The following GRIN2A variants were observed in gnomAD, a reference collection of about 807,000 sequenced individuals.
GRIN2A encodes the protein glutamate ionotropic receptor NMDA type subunit 2A.
A neutral mutation model predicts 113.4 loss-of-function variants in GRIN2A; 22 were observed. The observed-to-expected ratio is 0.19, with a 90% CI of 0.14 to 0.28. The LOEUF (loss-of-function observed/expected upper bound fraction) is 0.28. GRIN2A is among the 10% of genes least tolerant of loss of function. The pLI, the probability that GRIN2A is intolerant of heterozygous loss-of-function variation, is 1.00. For missense variants in GRIN2A, 1,502 were observed against 1,887.0 expected (o/e 0.80, Z 3.78); for synonymous variants, 827 against 738.4 (o/e 1.12, Z -1.94).
chr16:9,788,821 C>T (rs1341230333), intron 11 of GRIN2A, among the ~76,000 whole-genome samples: 3 of 150,364 alleles, frequency 2.0e-5, no homozygotes, highest in Non-Finnish European at 4.4e-5. Flanking sequence ...CGACTCACTG[C>T]AAACTCCGCC....
At chr16:9,773,277 A>G (rs940348444) in intron 11 of GRIN2A, among the ~76,000 whole-genome samples, 28 of 152,230 alleles carry the variant, frequency 1.8e-4, no homozygotes, top group Admixed American at 1.4e-3. Context: ...CTGCCATATA[A>G]ATAGAAGGAA....
chr16:10,086,116 A>T (rs564083558), intron 2 of GRIN2A, among the ~76,000 whole-genome samples: 1 of 152,260 alleles, frequency 6.6e-6, no homozygotes, highest in South Asian at 2.1e-4. Flanking sequence ...GTTGAATTGG[A>T]TGACACCTGA....
chr16:9,914,904 GCTT>G, intron 3 of GRIN2A, among the ~76,000 whole-genome samples: 1 of 48,716 alleles, frequency 2.1e-5, no homozygotes, highest in African/African-American at 7.1e-5. Context: ...TGATTATGCA[GCTT>G]TTTTTTTTTT....
chr16:9,791,903 A>T (rs1902628215), intron 11 of GRIN2A, among the ~76,000 whole-genome samples: 1 of 152,132 alleles, frequency 6.6e-6, no homozygotes, highest in African/African-American at 2.4e-5. Flanking sequence ...TGTGAGCATC[A>T]TTATGCTGAA....
intron 2 of GRIN2A, among the ~76,000 whole-genome samples, chr16:10,016,410 A>T (rs956605001): frequency 1.3e-5 from 2 of 152,098 alleles, no homozygotes; most frequent in African/African-American, 4.8e-5. Context: ...CCACACATGC[A>T]TGGGAAAGAA....
Position 9,938,246 on chromosome 16 carries a change from C to G in GRIN2A, c.720G>C (p.Leu240=). The part of the protein sequence containing the change: ...YCSKDEAVLI[L]SEARSLGLTG... ...TGAGGCCAAGGGAGCGGGCCTCACT[C>G]AGAATGAGAACAGCCTCGTCTTTGG... is the stretch of plus-strand genomic sequence containing the variant. The change falls in exon 3 of 13, where the codon CTG becomes CTC. Residue 240 remains leucine, a synonymous_variant. Coordinates refer to ENST00000330684, the MANE Select transcript of GRIN2A (RefSeq NM_001134407.3). 6.2e-7 allele frequency: 1 copy of G among 1,614,056 alleles called. No homozygotes were observed. Among genetic ancestry groups the G allele is most frequent in the Non-Finnish European group, 8.5e-7 (1 of 1,179,950 alleles).
At chr16:10,098,940 C>A (rs562634004) in intron 2 of GRIN2A, among the ~76,000 whole-genome samples, 13 of 128,394 alleles carry the variant, frequency 1.0e-4, no homozygotes, top group Non-Finnish European at 2.3e-4. Flanking sequence ...CCCTCCCCCC[C>A]CCAAAAAAAA....
intron 2 of GRIN2A, among the ~76,000 whole-genome samples, chr16:9,969,431 A>C (rs1031169493): frequency 6.6e-6 from 1 of 152,206 alleles, no homozygotes; most frequent in Non-Finnish European, 1.5e-5. Context: ...CACTGGGTAC[A>C]TCATTTACTT....
chr16:9,839,141 C>T (rs962532752), intron 7 of GRIN2A, among the ~76,000 whole-genome samples: 38 of 152,066 alleles, frequency 2.5e-4, no homozygotes, highest in Admixed American at 2.5e-3. Context: ...TGGGACAAAC[C>T]CACTTATATG....
chr16:10,123,340 T>C (rs1567315170), intron 2 of GRIN2A, among the ~76,000 whole-genome samples: 1 of 152,186 alleles, frequency 6.6e-6, no homozygotes, highest in Non-Finnish European at 1.5e-5. Flanking sequence ...CAGCCTCTTT[T>C]TTTTAAAGCC....
intron 1 of GRIN2A, 36 bp downstream of exon 1, chr16:10,181,834 TCCTCCCC>T: frequency 6.5e-6 from 1 of 153,248 alleles, no homozygotes; most frequent in Non-Finnish European, 1.5e-5. Flanking sequence ...CGAGTCTCCC[TCCTCCCC>T]GGCCCAAGGA....
At chr16:9,769,452 T>TTTTTTTTTTTTTTTTTTTTTTTC (rs1901127253) in intron 11 of GRIN2A, among the ~76,000 whole-genome samples, 1 of 9,928 alleles carries the variant, frequency 1.0e-4, no homozygotes, top group East Asian at 1.9e-3. Flanking sequence ...GAGTTTTGTC[T>TTTTTTTTTTTTTTTTTTTTTTTC]TTTTTTTTTT....
At chr16:10,074,540 T>C (rs1350992115) in intron 2 of GRIN2A, among the ~76,000 whole-genome samples, 1 of 152,234 alleles carries the variant, frequency 6.6e-6, no homozygotes, top group African/African-American at 2.4e-5. Flanking sequence ...AATGGAATGT[T>C]ATACACCCAT....
chr16:10,081,799 T>C (rs184583243), intron 2 of GRIN2A, among the ~76,000 whole-genome samples: 1 of 152,158 alleles, frequency 6.6e-6, no homozygotes, highest in Non-Finnish European at 1.5e-5. Context: ...TGGACCAGGG[T>C]CAGGCTATGG....
At chr16:9,963,775 G>T (rs1483569682) in intron 2 of GRIN2A, among the ~76,000 whole-genome samples, 1 of 152,160 alleles carries the variant, frequency 6.6e-6, no homozygotes, top group Non-Finnish European at 1.5e-5. Context: ...CCATTCAACA[G>T]ATATTTACTA....
At chr16:9,789,808 A>G (rs1902491653) in intron 11 of GRIN2A, among the ~76,000 whole-genome samples, 1 of 152,218 alleles carries the variant, frequency 6.6e-6, no homozygotes, top group African/African-American at 2.4e-5. Context: ...AGTGAAGAAC[A>G]GCAAAAGTCA....
chr16:9,811,340 C>T (rs562491815), intron 10 of GRIN2A, among the ~76,000 whole-genome samples: 1 of 152,334 alleles, frequency 6.6e-6, no homozygotes, highest in South Asian at 2.1e-4. Flanking sequence ...TTCAGACGAA[C>T]TGTGGCTTCT....
intron 2 of GRIN2A, among the ~76,000 whole-genome samples, chr16:10,117,004 G>A (rs2048740271): frequency 6.6e-6 from 1 of 151,534 alleles, no homozygotes. Context: ...TGGGCCAAGA[G>A]GATATGAGTG....
At chr16:10,128,083 G>T (rs1444401245) in intron 2 of GRIN2A, among the ~76,000 whole-genome samples, 2 of 152,182 alleles carry the variant, frequency 1.3e-5, no homozygotes, top group Non-Finnish European at 2.9e-5. Context: ...AGCTTCCCTT[G>T]TTGGCAACGT....
Sources: gnomAD v4.1 joint callset for allele counts (sites outside exome capture counted in the v4.1 genomes callset) on GRCh38, gnomAD v4.1.1 for gene constraint, MANE v1.5 for transcripts, NCBI Gene and HGNC (gene_info 2026-07-23, HGNC 2026-07-21) for gene names.